Variants in LPA observed in about 807,000 individuals in gnomAD.
LPA encodes apolipoprotein(a).
A neutral mutation model predicts 197.9 loss-of-function variants in LPA; 199 were observed. That is an observed-to-expected ratio of 1.01 (90% confidence interval 0.90 to 1.13). LPA has a LOEUF of 1.13. Among genes scored for constraint, LPA ranks in the 50% most tolerant of loss-of-function variants. The pLI is 0.00. For synonymous variants in LPA, 715 were observed against 639.5 expected (o/e 1.12, Z -1.78); for missense variants, 1,853 against 1,785.8 (o/e 1.04, Z -0.68).
intron 1 of LPA, among the ~76,000 whole-genome samples, chr6:160,662,128 G>A (rs952219681): frequency 2.6e-5 from 4 of 151,946 alleles, no homozygotes; most frequent in African/African-American, 9.7e-5. Context: ...CAATCCTTTT[G>A]TTTCTCTGAT....
chr6:160,601,498 C>T (rs1421784882), intron 18 of LPA, among the ~76,000 whole-genome samples: 1 of 152,128 alleles, frequency 6.6e-6, no homozygotes, highest in Non-Finnish European at 1.5e-5. Context: ...TCTAGCTCTC[C>T]GTATCTCTCT....
At chr6:160,542,890 A>C in intron 33 of LPA, 82 bp from the exon 34 acceptor site, 5 of 1,590,216 alleles carry the variant, frequency 3.1e-6, no homozygotes, top group Non-Finnish European at 4.3e-6. Flanking sequence ...AATTCCAAGC[A>C]CTAGTTTTTC....
intron 28 of LPA, among the ~76,000 whole-genome samples, chr6:160,561,750 C>G (rs1778366508): frequency 6.6e-6 from 1 of 152,138 alleles, no homozygotes; most frequent in Admixed American, 6.5e-5. Context: ...TTTCCTTGAG[C>G]AGTGGTTTGT....
intron 26 of LPA, among the ~76,000 whole-genome samples, chr6:160,580,853 GTTAC>G (rs1243281695): frequency 1.3e-5 from 2 of 152,104 alleles, no homozygotes; most frequent in African/African-American, 4.8e-5. Context: ...CTTCCAGTGT[GTTAC>G]TTACTTATTT....
At chr6:160,615,380 G>T (rs1233856102) in intron 14 of LPA, among the ~76,000 whole-genome samples, 2 of 126,806 alleles carry the variant, frequency 1.6e-5, no homozygotes, top group African/African-American at 6.1e-5. Flanking sequence ...GTGTGTGTGT[G>T]TGTGTAGCTC....
intron 23 of LPA, among the ~76,000 whole-genome samples, chr6:160,590,401 G>A (rs1779003468): frequency 6.6e-6 from 1 of 152,164 alleles, no homozygotes; most frequent in Non-Finnish European, 1.5e-5. Flanking sequence ...GCCTAGGTGT[G>A]CAGCACCTGC....
chr6:160,650,426 A>T lies in LPA; in HGVS notation c.121T>A (p.Ser41Thr). 1 of 1,613,864 alleles carries T rather than the reference A, an allele frequency of 6.2e-7. No individual in the cohort carries two copies. Among genetic ancestry groups the T allele is most frequent in the African/African-American group, 1.3e-5 (1 of 75,034 alleles). The change falls in exon 2 of 39, where the codon TCC becomes ACC. Residue 41 changes from serine to threonine, a missense_variant. Physicochemically the swap from Ser to Thr is moderately conservative, Grantham distance 58 (BLOSUM62 1). Coordinates refer to ENST00000316300, the MANE Select transcript of LPA (RefSeq NM_005577.4). ...GDGQSYRGTY[S>T]TTVTGRTCQA... ...CAGGTCCTTCCTGTGACAGTGGTGG[A>T]GTACGTGCCTCGATAACTCTGTCCA...
At chr6:160,537,383 GGAA>G (rs1777910480) in intron 37 of LPA, among the ~76,000 whole-genome samples, 1 of 152,080 alleles carries the variant, frequency 6.6e-6, no homozygotes, top group Admixed American at 6.5e-5. Flanking sequence ...TGGGTATTTG[GGAA>G]GAAGAATAGT....
intron 18 of LPA, among the ~76,000 whole-genome samples, chr6:160,602,324 C>G (rs901426248): frequency 6.6e-6 from 1 of 152,112 alleles, no homozygotes; most frequent in Non-Finnish European, 1.5e-5. Context: ...TTACAATATC[C>G]CTTTGGACCC....
At chr6:160,598,937 A>G (rs946183320) in intron 20 of LPA, among the ~76,000 whole-genome samples, 32 of 152,326 alleles carry the variant, frequency 2.1e-4, no homozygotes, top group African/African-American at 6.7e-4. Context: ...TTGTAGAAGG[A>G]TACTCTAACT....
At chr6:160,589,414 G>T (rs1778980333) in intron 24 of LPA, 139 bp downstream of exon 24, 2 of 1,015,898 alleles carry the variant, frequency 2.0e-6, no homozygotes, top group Non-Finnish European at 1.5e-6. Context: ...TGTGCCCAAA[G>T]CAAGAAGCCT....
In LPA at chr6:160,654,064, ATT is replaced by A. The variant is rs1562355026; in HGVS notation, c.50-3569_50-3568del. On this transcript the variant is annotated intron_variant, in intron 1 of 38. Coordinates refer to ENST00000316300, the MANE Select transcript of LPA (RefSeq NM_005577.4). ...ATATAATATATAATATATTATATAT[ATT>A]ATATATAATATATATTATATATATT... is the stretch of plus-strand genomic sequence containing the variant. Among the ~76,000 whole-genome samples, 27 of 27,462 alleles carry A rather than the reference ATT, an allele frequency of 9.8e-4. 2 individuals are homozygous for A. Among genetic ancestry groups the A allele is most frequent in the East Asian group, 3.3e-3 (3 of 916 alleles). 18.0% of individuals were successfully genotyped at this position (27,462 alleles called of 152,430 possible).
intron 30 of LPA, among the ~76,000 whole-genome samples, chr6:160,552,217 C>T (rs1397462098): frequency 6.6e-6 from 1 of 152,116 alleles, no homozygotes; most frequent in Non-Finnish European, 1.5e-5. Context: ...AGGCCAATAC[C>T]ACATGTCTTG....
chr6:160,654,973 C>G (rs1780106859), intron 1 of LPA, among the ~76,000 whole-genome samples: 1 of 152,070 alleles, frequency 6.6e-6, no homozygotes. Flanking sequence ...GGAGGGAAGG[C>G]AGGGTGGCAT....
At position 160,646,901 on chromosome 6, in the gene LPA, C is replaced by G. The variant is rs189994121; in HGVS notation, c.210-506G>C. Among the ~76,000 whole-genome samples, 4 of 151,786 alleles carry G rather than the reference C, an allele frequency of 2.6e-5. No individual in the cohort carries two copies. The East Asian group carries it at 7.7e-4, about 29-fold the overall frequency. ...ATGGCATCAAGGAGGATAACCTTTCCAGGTCAACTCTCACACTCCATGTAC... is the reference window on the plus strand; with the variant it reads ...ATGGCATCAAGGAGGATAACCTTTCGAGGTCAACTCTCACACTCCATGTAC... On this transcript the variant is annotated intron_variant, in intron 2 of 38. Transcript: ENST00000316300.
At chr6:160,578,246 C>T (rs139381915) in intron 27 of LPA, among the ~76,000 whole-genome samples, 56 of 152,270 alleles carry the variant, frequency 3.7e-4, no homozygotes, top group African/African-American at 1.2e-3. Flanking sequence ...GGCTAGGACA[C>T]TGAAATGACC....
At chr6:160,541,005 GAGGA>G in intron 35 of LPA, 98 bp downstream of exon 35, 1 of 951,106 alleles carries the variant, frequency 1.1e-6, no homozygotes, top group Non-Finnish European at 1.7e-6. Flanking sequence ...GAGAGGTGGG[GAGGA>G]AGGAAGGGGA....
At chr6:160,568,631 G>A (rs1277837159) in intron 28 of LPA, among the ~76,000 whole-genome samples, 2 of 152,188 alleles carry the variant, frequency 1.3e-5, no homozygotes, top group African/African-American at 4.8e-5. Flanking sequence ...TGGAAGTTCT[G>A]GCCAGGGCAA....
intron 30 of LPA, among the ~76,000 whole-genome samples, chr6:160,549,597 G>A (rs1041551257): frequency 1.6e-4 from 24 of 152,148 alleles, no homozygotes; most frequent in African/African-American, 5.8e-4. Flanking sequence ...AAAAGGCTCT[G>A]CATTTACAGT....
Sources: allele counts gnomAD v4.1 joint callset (sites outside exome capture counted in the v4.1 genomes callset), GRCh38; gene constraint gnomAD v4.1.1; transcripts MANE v1.5; gene names NCBI Gene and HGNC (gene_info 2026-07-23, HGNC 2026-07-21).